CACNA2D3: variants seen among roughly 807,000 people sequenced by gnomAD.
The protein encoded by CACNA2D3 is calcium voltage-gated channel auxiliary subunit alpha2delta 3.
In CACNA2D3, 60 loss-of-function variants were observed where a neutral mutation model predicts 160.6. That is an observed-to-expected ratio of 0.37 (90% CI 0.30 to 0.46). CACNA2D3 has a LOEUF of 0.46. CACNA2D3 is among the 20% of genes least tolerant of loss of function. The probability of loss-of-function intolerance (pLI) is 1.00; values close to 1 mark genes in which losing one functional copy is unlikely to be tolerated. For synonymous variants in CACNA2D3, 558 were observed against 492.9 expected (o/e 1.13, Z -1.75); for missense variants, 1,205 against 1,365.0 (o/e 0.88, Z 1.85).
At position 54,899,782 on chromosome 3, in the gene CACNA2D3, TC is replaced by T. The variant is rs1700284454; in HGVS notation, c.2369-5del. The T allele has an allele frequency of 6.2e-7, 1 of 1,601,512 alleles. No homozygotes were observed. The highest frequency in any genetic ancestry group is 1.3e-5 in the African/African-American group (1 of 74,734). ...ATTTTTGTTGTGGTGTTTTTTCTTT[TC>T]ACAGGACCAGTCAATAAAAGCAATG... On this transcript the variant is annotated splice_region_variant and splice_polypyrimidine_tract_variant and intron_variant, in intron 26 of 37. Transcript: ENST00000474759.
intron 27 of CACNA2D3, among the ~76,000 whole-genome samples, chr3:54,915,395 A>G (rs1700640198): frequency 6.6e-6 from 1 of 152,192 alleles, no homozygotes; most frequent in Non-Finnish European, 1.5e-5. Flanking sequence ...TGACGAAAGA[A>G]CTATATTTTT....
At chr3:54,953,297 T>G (rs1701803211) in intron 27 of CACNA2D3, among the ~76,000 whole-genome samples, 1 of 152,194 alleles carries the variant, frequency 6.6e-6, no homozygotes, top group Non-Finnish European at 1.5e-5. Flanking sequence ...CAGGCAGGAC[T>G]CAGCCCTAAG....
At chr3:54,936,899 A>G (rs1181987717) in intron 27 of CACNA2D3, among the ~76,000 whole-genome samples, 6 of 152,138 alleles carry the variant, frequency 3.9e-5, no homozygotes, top group Admixed American at 3.3e-4. Context: ...CTGAGGAGAA[A>G]ATAAACTCCG....
intron 2 of CACNA2D3, among the ~76,000 whole-genome samples, chr3:54,247,311 C>CACAAACAAACAAACAA (rs1702100421): frequency 1.3e-5 from 1 of 75,908 alleles, no homozygotes; most frequent in African/African-American, 7.0e-5. Context: ...ACGACTCCAT[C>CACAAACAAACAAACAA]TCAAACAAAC....
chr3:54,859,972 G>GCACACACACACA lies in CACNA2D3; in HGVS notation c.1627-11536_1627-11525dup, dbSNP rs1553891454. Among the ~76,000 whole-genome samples, 123 of 133,872 alleles carry GCACACACACACA rather than the reference G, an allele frequency of 9.2e-4. 1 individual carries two copies. The highest frequency in any genetic ancestry group is 1.8e-3 in the South Asian group (7 of 3,956). The allele number at this position is 133,872 out of a possible 152,430, so 87.8% of individuals were successfully genotyped here. A position where few individuals can be genotyped will look rare whatever the true frequency, so the allele number is the denominator to read the frequency against. Reference sequence around the variant, plus strand: ...TTAGAACATCATCTGGAAAGTAGATGCACACACACACACACACACACACAC... The same window carrying GCACACACACACA: ...TTAGAACATCATCTGGAAAGTAGATGCACACACACACACACACACACACACACACACACACAC... On this transcript the variant is annotated intron_variant, in intron 17 of 37. Transcript: ENST00000474759.
intron 13 of CACNA2D3, among the ~76,000 whole-genome samples, chr3:54,773,523 A>G (rs1226411037): frequency 6.6e-6 from 1 of 152,242 alleles, no homozygotes; most frequent in African/African-American, 2.4e-5. Flanking sequence ...AGATGGGTTC[A>G]TTAAATTTAA....
intron 11 of CACNA2D3, among the ~76,000 whole-genome samples, chr3:54,671,734 C>T (rs536310012): frequency 7.2e-5 from 11 of 152,280 alleles, no homozygotes; most frequent in Admixed American, 1.3e-4. Context: ...CAAAGTCATT[C>T]CCTAGCTGAA....
intron 35 of CACNA2D3, among the ~76,000 whole-genome samples, chr3:55,052,524 A>T (rs1036040031): frequency 1.3e-5 from 2 of 151,964 alleles, no homozygotes; most frequent in African/African-American, 2.4e-5. Flanking sequence ...GTTGGTTTCT[A>T]TATTCTTACA....
intron 13 of CACNA2D3, among the ~76,000 whole-genome samples, chr3:54,791,084 C>G (rs187894829): frequency 6.6e-6 from 1 of 151,704 alleles, no homozygotes; most frequent in South Asian, 2.1e-4. Flanking sequence ...ATGGATGTTC[C>G]TCCAAGAAGA....
At chr3:54,924,271 G>T (rs1436006756) in intron 27 of CACNA2D3, among the ~76,000 whole-genome samples, 1 of 152,170 alleles carries the variant, frequency 6.6e-6, no homozygotes, top group Non-Finnish European at 1.5e-5. Context: ...GATCAGACTT[G>T]ATAATAAGAG....
intron 2 of CACNA2D3, among the ~76,000 whole-genome samples, chr3:54,204,690 G>T (rs1229117394): frequency 2.0e-5 from 3 of 151,522 alleles, no homozygotes; most frequent in Non-Finnish European, 4.4e-5. Context: ...CAGCTACTTG[G>T]GAGGCTGAGG....
intron 9 of CACNA2D3, among the ~76,000 whole-genome samples, chr3:54,616,850 G>C (rs533249218): frequency 6.6e-6 from 1 of 152,202 alleles, no homozygotes; most frequent in South Asian, 2.1e-4. Flanking sequence ...CCTACCTTCT[G>C]TCTGGGGATT....
chr3:54,434,804 TAAAG>T (rs1264905756), intron 4 of CACNA2D3, among the ~76,000 whole-genome samples: 2 of 152,224 alleles, frequency 1.3e-5, no homozygotes. Flanking sequence ...GTTTCTTTCA[TAAAG>T]AAAGTTTAAG....
intron 10 of CACNA2D3, among the ~76,000 whole-genome samples, chr3:54,630,910 C>T (rs1046798771): frequency 3.3e-5 from 5 of 152,084 alleles, no homozygotes; most frequent in Admixed American, 1.3e-4. Context: ...TTTAAAAAAA[C>T]ACAATGATAG....
intron 27 of CACNA2D3, among the ~76,000 whole-genome samples, chr3:54,935,562 G>T (rs1575389846): frequency 6.6e-6 from 1 of 152,138 alleles, no homozygotes; most frequent in Non-Finnish European, 1.5e-5. Context: ...GGCTACTTTT[G>T]TCTGTGCCCC....
At position 54,896,762 on chromosome 3, in the gene CACNA2D3, G is replaced by C; in HGVS notation, c.2260G>C (p.Ala754Pro). 2 of 1,614,018 alleles carry C rather than the reference G, an allele frequency of 1.2e-6. No homozygotes were observed. The highest frequency in any genetic ancestry group is 2.2e-5 in the South Asian group (2 of 91,080). The change falls in exon 26 of 38, where the codon GCT becomes CCT. Residue 754 changes from alanine (A) to proline (P), a missense_variant. Around this residue, in one of 3 missense-constraint regions of CACNA2D3, gnomAD observed 911 missense variants for 1,002.2 expected, o/e 0.91. Coordinates refer to ENST00000474759, the MANE Select transcript of CACNA2D3 (RefSeq NM_018398.3). ...EQLTNQDFLK[A>P]GDKENIFNAD... ...TTCCACTTCAAGGGACTTCCTGAAA[G>C]CTGGCGACAAGGAGAACATTTTTAA...
chr3:54,446,961 C>T (rs1484241063), intron 4 of CACNA2D3, among the ~76,000 whole-genome samples: 1 of 152,170 alleles, frequency 6.6e-6, no homozygotes, highest in Non-Finnish European at 1.5e-5. Flanking sequence ...AGGTGGGATC[C>T]CGGAGGCGGG....
intron 34 of CACNA2D3, among the ~76,000 whole-genome samples, chr3:55,013,989 G>T (rs1295338960): frequency 6.6e-6 from 1 of 152,168 alleles, no homozygotes; most frequent in Non-Finnish European, 1.5e-5. Context: ...TGACATCGGT[G>T]TAACTGGGAT....
intron 15 of CACNA2D3, 114 bp from the exon 16 acceptor site, chr3:54,838,454 T>C (rs1323276471): frequency 1.2e-6 from 1 of 808,056 alleles, no homozygotes; most frequent in Non-Finnish European, 2.2e-6. Flanking sequence ...TAATCCTCAA[T>C]CTGTATCAGT....
Sources: allele counts gnomAD v4.1 joint callset (sites outside exome capture counted in the v4.1 genomes callset), GRCh38; gene constraint gnomAD v4.1.1; regional missense constraint gnomAD v4.1.1; transcripts MANE v1.5; gene names NCBI Gene and HGNC (gene_info 2026-07-23, HGNC 2026-07-21).